The following EPCIP variants were observed in gnomAD, a reference collection of about 807,000 sequenced individuals.
EPCIP encodes exosomal polycystin-1-interacting protein.
the EPCIP span, among the ~76,000 whole-genome samples, chr21:32,795,673 A>G: frequency 6.6e-6 from 1 of 152,370 alleles, no homozygotes; most frequent in South Asian, 2.1e-4. Flanking sequence ...ACATGTGTCC[A>G]AAGAGTACAG....
At chr21:32,793,131 A>G in the EPCIP span, among the ~76,000 whole-genome samples, 406 of 151,996 alleles carry the variant, frequency 2.7e-3, 3 homozygotes, top group Admixed American at 3.4e-3. Flanking sequence ...CTAATTTTGT[A>G]TTTTTAGTAG....
the EPCIP span, chr21:32,797,821 T>A: frequency 6.6e-6 from 1 of 151,974 alleles, no homozygotes; most frequent in East Asian, 1.9e-4. Context: ...ATTTGAAAAA[T>A]TAAGGAAGGA....
the EPCIP span, among the ~76,000 whole-genome samples, chr21:32,792,316 C>T: frequency 1.8e-4 from 27 of 152,236 alleles, 1 homozygote; most frequent in South Asian, 5.4e-3. Flanking sequence ...TTGTGTTAAC[C>T]GTGTCATATA....
the EPCIP span, chr21:32,794,111 A>G: frequency 1.2e-6 from 2 of 1,614,158 alleles, no homozygotes; most frequent in Middle Eastern, 3.3e-4. Context: ...GCACAGGGAA[A>G]GCTTCAGGTC....
At chr21:32,795,364 T>C in the EPCIP span, among the ~76,000 whole-genome samples, 1 of 152,218 alleles carries the variant, frequency 6.6e-6, no homozygotes, top group Non-Finnish European at 1.5e-5. Context: ...GTAAAAGCCC[T>C]ACAGTGTCTG....
chr21:32,807,897 C>T, the EPCIP span, among the ~76,000 whole-genome samples: 1 of 152,168 alleles, frequency 6.6e-6, no homozygotes, highest in African/African-American at 2.4e-5. Context: ...GTCTAGGTTC[C>T]TGATTGCCTT....
At chr21:32,793,055 G>C in the EPCIP span, among the ~76,000 whole-genome samples, 8,154 of 152,018 alleles carry the variant, frequency 0.054, 247 homozygotes, top group Non-Finnish European at 0.069. Flanking sequence ...CGCCTCCCAG[G>C]TTCAAGCGAT....
chr21:32,810,421 ATTTTTTT>A, the EPCIP span, among the ~76,000 whole-genome samples: 42 of 122,624 alleles, frequency 3.4e-4, no homozygotes, highest in African/African-American at 1.2e-3. Flanking sequence ...ATGCCCGGTA[ATTTTTTT>A]TTTTTTTTTT....
At chr21:32,795,789 C>T in the EPCIP span, among the ~76,000 whole-genome samples, 3 of 152,156 alleles carry the variant, frequency 2.0e-5, no homozygotes, top group Non-Finnish European at 2.9e-5. Flanking sequence ...TGCCAGGGAT[C>T]GGGTAGACAG....
chr21:32,811,343 G>T, the EPCIP span, among the ~76,000 whole-genome samples: 1 of 152,118 alleles, frequency 6.6e-6, no homozygotes, highest in Non-Finnish European at 1.5e-5. Context: ...TTTTGGCCAG[G>T]CTGGTCTCGA....
At chr21:32,810,549 C>T in the EPCIP span, 1 of 468,362 alleles carries the variant, frequency 2.1e-6, no homozygotes. Flanking sequence ...GCGTGAACCA[C>T]CATGCCCGGC....
the EPCIP span, among the ~76,000 whole-genome samples, chr21:32,805,360 A>AT: frequency 0.96 from 144,381 of 149,900 alleles, 69,450 homozygotes; most frequent in East Asian, 0.98. Flanking sequence ...TGTAGATTAT[A>AT]TTTTTTTTTT....
chr21:32,807,690 C>T, the EPCIP span: 1 of 152,232 alleles, frequency 6.6e-6, no homozygotes, highest in African/African-American at 2.4e-5. Flanking sequence ...AATTCATATT[C>T]TTCTTCAGCG....
the EPCIP span, chr21:32,794,421 T>C: frequency 6.2e-7 from 1 of 1,610,316 alleles, no homozygotes; most frequent in Admixed American, 1.7e-5. Flanking sequence ...GGTGGTGCCA[T>C]GCTTGCCCAG....
the EPCIP span, among the ~76,000 whole-genome samples, chr21:32,809,847 T>C: frequency 1.3e-5 from 2 of 152,150 alleles, no homozygotes; most frequent in Non-Finnish European, 2.9e-5. Flanking sequence ...TGACAGTTCT[T>C]GTTTGACTCA....
chr21:32,809,284 CTTTCTTTCTTTCTTTCTTT>C, the EPCIP span, among the ~76,000 whole-genome samples: 2 of 107,532 alleles, frequency 1.9e-5, no homozygotes, highest in Non-Finnish European at 3.9e-5. Flanking sequence ...TCCTTCCTTT[CTTTCTTTCTTTCTTTCTTT>C]CTTTCTTTCT....
the EPCIP span, among the ~76,000 whole-genome samples, chr21:32,812,949 A>G: frequency 5.9e-5 from 9 of 152,316 alleles, no homozygotes; most frequent in African/African-American, 1.9e-4. Flanking sequence ...AATTTTTTAA[A>G]AACACGAACT....
At chr21:32,804,512 A>T in the EPCIP span, among the ~76,000 whole-genome samples, 1 of 151,992 alleles carries the variant, frequency 6.6e-6, no homozygotes, top group Admixed American at 6.6e-5. Context: ...TACAATATAC[A>T]TAGTACTATT....
the EPCIP span, among the ~76,000 whole-genome samples, chr21:32,793,124 A>C: frequency 6.6e-6 from 1 of 151,800 alleles, no homozygotes; most frequent in African/African-American, 2.4e-5. Context: ...TGCCCGGCTA[A>C]TTTTGTATTT....
Sources: gnomAD v4.1 joint callset for allele counts (sites outside exome capture counted in the v4.1 genomes callset) on GRCh38, gnomAD v4.1.1 for gene constraint, MANE v1.5 for transcripts, NCBI Gene and HGNC (gene_info 2026-07-23, HGNC 2026-07-21) for gene names.